TERF1: variants seen among roughly 807,000 people sequenced by gnomAD.
The protein encoded by TERF1 is telomeric repeat binding factor 1.
TERF1 carries 20 observed loss-of-function variants against 55.1 expected under a neutral mutation model. The ratio of observed to expected loss-of-function variants is 0.36; its 90% CI spans 0.26 to 0.53. The LOEUF (loss-of-function observed/expected upper bound fraction) is 0.53, where lower values mean the gene tolerates loss of function less well. Ranked by LOEUF, TERF1 falls within the 20% of genes least tolerant of loss-of-function variation. The pLI, the probability that TERF1 is intolerant of heterozygous loss-of-function variation, is 0.91. For synonymous variants in TERF1, 168 were observed against 181.2 expected (o/e 0.93, Z 0.59); for missense variants, 439 against 535.7 (o/e 0.82, Z 1.78).
At chr8:73,029,192 T>C (rs1809168508) in intron 6 of TERF1, among the ~76,000 whole-genome samples, 1 of 152,188 alleles carries the variant, frequency 6.6e-6, no homozygotes, top group Non-Finnish European at 1.5e-5. Flanking sequence ...GAAACCTCCA[T>C]GTTATGAAGA....
At chr8:73,041,001 G>A (rs1809810859) in intron 9 of TERF1, among the ~76,000 whole-genome samples, 1 of 152,012 alleles carries the variant, frequency 6.6e-6, no homozygotes, top group Non-Finnish European at 1.5e-5. Flanking sequence ...GTTCTTGCAT[G>A]TTGTCCACTT....
At chr8:73,037,688 ATT>A (rs1302208884) in intron 8 of TERF1, among the ~76,000 whole-genome samples, 1 of 48,638 alleles carries the variant, frequency 2.1e-5, no homozygotes, top group African/African-American at 9.1e-5. Context: ...TATAATATAT[ATT>A]ATATAGTATA....
intron 4 of TERF1, among the ~76,000 whole-genome samples, 194 bp downstream of exon 4, chr8:73,022,496 C>T (rs1808808289): frequency 6.6e-6 from 1 of 152,114 alleles, no homozygotes; most frequent in East Asian, 1.9e-4. Flanking sequence ...TAGCTTACAC[C>T]TATAATTCCA....
chr8:73,009,266 C>A, intron 1 of TERF1, 61 bp downstream of exon 1: 1 of 1,545,900 alleles, frequency 6.5e-7, no homozygotes, highest in Non-Finnish European at 8.8e-7. Context: ...CTCCGTGGTG[C>A]GCGGCAGAGG....
At chr8:73,018,742 C>G (rs549735391) in intron 2 of TERF1, among the ~76,000 whole-genome samples, 2 of 152,100 alleles carry the variant, frequency 1.3e-5, no homozygotes, top group Admixed American at 1.3e-4. Context: ...TGCATACTTG[C>G]TATGGAACTA....
intron 7 of TERF1, chr8:73,031,089 ATC>A (rs1265552309): frequency 3.3e-5 from 5 of 152,256 alleles, no homozygotes; most frequent in Non-Finnish European, 7.3e-5. Context: ...AAGGTGATAC[ATC>A]TCAGTGGCAT....
intron 8 of TERF1, among the ~76,000 whole-genome samples, chr8:73,037,154 TATA>T (rs1332544065): frequency 4.9e-4 from 56 of 113,778 alleles, no homozygotes; most frequent in African/African-American, 1.3e-3. Context: ...TATTATAATA[TATA>T]ATAATTTATA....
chr8:73,020,802 T>C lies in TERF1; in HGVS notation c.534T>C (p.Ile178=), dbSNP rs1808719365. The C allele has an allele frequency of 1.5e-6, 2 of 1,378,218 alleles. No homozygotes were observed. The highest frequency in any genetic ancestry group is 2.0e-6 in the Non-Finnish European group (2 of 987,152). 85.4% of individuals were successfully genotyped at this position (1,378,218 alleles called of 1,614,324 possible). A position where few individuals can be genotyped will look rare whatever the true frequency, so the allele number is the denominator to read the frequency against. The change falls in exon 3 of 10, where the codon ATT becomes ATC. Residue 178 remains isoleucine, a synonymous_variant. Transcript: ENST00000276603. ...LHEEIQNLIK[I]QAIAVCMENG... ...AAGAAATACAGAATTTAATTAAAAT[T>C]CAGGTATGAATAAATTACTTTTATG... is the stretch of plus-strand genomic sequence containing the variant.
chr8:73,041,580 G>A (rs373025550), intron 9 of TERF1, among the ~76,000 whole-genome samples: 2 of 152,138 alleles, frequency 1.3e-5, no homozygotes, highest in East Asian at 3.9e-4. Flanking sequence ...AGGTAAGTTA[G>A]GTTCTGGTAA....
At chr8:73,010,240 G>C (rs1808230418) in intron 1 of TERF1, 1 of 152,124 alleles carries the variant, frequency 6.6e-6, no homozygotes, top group Non-Finnish European at 1.5e-5. Flanking sequence ...AATAATCTTA[G>C]TTTTAAGGTA....
chr8:73,032,077 A>G lies in TERF1; in HGVS notation c.983A>G (p.His328Arg), dbSNP rs200201517. The G allele has an allele frequency of 8.7e-5, 140 of 1,612,584 alleles. No individual in the cohort carries two copies. The East Asian group carries it at 2.7e-3, about 31-fold the overall frequency. The change falls in exon 8 of 10, where the codon CAT (histidine) becomes CGT (arginine). Residue 328 changes from histidine to arginine, a missense_variant. Physicochemically the swap from His to Arg is conservative, Grantham distance 29 (BLOSUM62 0). Transcript: ENST00000276603. ...AATCTTTTCTTATCTAAGTTGCAAC[A>G]TGGAACCCAGCAACAAGACCTTAAT... ...HKNLFLSKLQ[H>R]GTQQQDLNKK...
intron 3 of TERF1, among the ~76,000 whole-genome samples, chr8:73,021,639 T>C (rs1238285777): frequency 6.6e-6 from 1 of 152,162 alleles, no homozygotes; most frequent in African/African-American, 2.4e-5. Flanking sequence ...CCATTTTACA[T>C]ATAAGGTAAC....
intron 2 of TERF1, among the ~76,000 whole-genome samples, chr8:73,015,312 C>CTTTTTTT (rs5892387): frequency 3.0e-5 from 4 of 131,702 alleles, no homozygotes; most frequent in Admixed American, 7.5e-5. Context: ...AACCCTTTTG[C>CTTTTTTT]TTTTTTTTTT....
intron 8 of TERF1, among the ~76,000 whole-genome samples, chr8:73,034,464 C>T (rs1020070465): frequency 6.6e-6 from 1 of 152,102 alleles, no homozygotes; most frequent in Non-Finnish European, 1.5e-5. Flanking sequence ...TGGGGTTTGG[C>T]ATGTTGCCCC....
At chr8:73,035,890 C>G (rs1377821844) in intron 8 of TERF1, among the ~76,000 whole-genome samples, 2 of 152,108 alleles carry the variant, frequency 1.3e-5, no homozygotes, top group Non-Finnish European at 2.9e-5. Context: ...TTTTGGTGTT[C>G]CATATTGTCA....
intron 8 of TERF1, among the ~76,000 whole-genome samples, chr8:73,037,572 T>TA (rs1441286293): frequency 2.8e-5 from 3 of 107,332 alleles, no homozygotes; most frequent in Non-Finnish European, 3.6e-5. Context: ...AATATATATA[T>TA]TTTTTATATA....
In TERF1 at chr8:73,030,271, A is replaced by G. The variant is rs908757584; in HGVS notation, c.888-65A>G. ...ATTGAAATATGCCTTGACTATGTGG[A>G]AAGTACTATCCTTATGAAAAGTTTC... On this transcript the variant is annotated intron_variant, in intron 6 of 9. Transcript: ENST00000276603. 9.7e-6 allele frequency: 10 copies of G among 1,027,786 alleles called. No individual in the cohort carries two copies. In the East Asian group the frequency reaches 1.4e-4, roughly 14 times the overall value. The allele number at this position is 1,027,786 out of a possible 1,614,324, so 63.7% of individuals were successfully genotyped here.
intron 8 of TERF1, among the ~76,000 whole-genome samples, chr8:73,036,723 T>TA (rs1417913129): frequency 6.6e-6 from 1 of 151,086 alleles, no homozygotes; most frequent in Non-Finnish European, 1.5e-5. Flanking sequence ...CCAAATTACT[T>TA]ACAGTAACTA....
chr8:73,026,518 A>G (rs1484997058), intron 5 of TERF1, among the ~76,000 whole-genome samples: 3 of 151,790 alleles, frequency 2.0e-5, no homozygotes, highest in Non-Finnish European at 2.9e-5. Context: ...CAACAATAAA[A>G]TTTTTCTAAT....
Sources: gnomAD v4.1 joint callset for allele counts (sites outside exome capture counted in the v4.1 genomes callset) on GRCh38, gnomAD v4.1.1 for gene constraint, MANE v1.5 for transcripts, NCBI Gene and HGNC (gene_info 2026-07-23, HGNC 2026-07-21) for gene names.